Variants in GALNT17 observed in about 807,000 individuals in gnomAD.
The protein encoded by GALNT17 is polypeptide N-acetylgalactosaminyltransferase 17, also known as UDP-GalNAc:polypeptide N-acetylgalactosaminyltransferase-like 3.
In GALNT17, 29 loss-of-function variants were observed where a neutral mutation model predicts 63.7. That is an observed-to-expected ratio of 0.46 (90% CI 0.34 to 0.62). The LOEUF is 0.62. Ranked by LOEUF, GALNT17 falls within the 20% of genes least tolerant of loss-of-function variation. The pLI is 0.01. For missense variants in GALNT17, 603 were observed against 799.6 expected (o/e 0.75, Z 2.97); for synonymous variants, 305 against 318.3 (o/e 0.96, Z 0.45).
chr7:71,309,826 C>T (rs143606871), intron 1 of GALNT17, among the ~76,000 whole-genome samples: 73 of 152,254 alleles, frequency 4.8e-4, no homozygotes, highest in Middle Eastern at 3.4e-3. Context: ...ACTTGGACCT[C>T]TACTTTCTAC....
chr7:71,433,207 A>G (rs545184633), intron 5 of GALNT17, among the ~76,000 whole-genome samples: 1 of 152,316 alleles, frequency 6.6e-6, no homozygotes, highest in Non-Finnish European at 1.5e-5. Flanking sequence ...AACAGGAGGT[A>G]TGCTGTATAG....
intron 1 of GALNT17, among the ~76,000 whole-genome samples, chr7:71,136,165 T>G (rs1254623133): frequency 6.6e-6 from 1 of 152,184 alleles, no homozygotes; most frequent in Non-Finnish European, 1.5e-5. Context: ...GCCCTCCGCC[T>G]GCTGCAGTGG....
chr7:71,694,613 C>T (rs1791512777), intron 9 of GALNT17, among the ~76,000 whole-genome samples: 3 of 152,138 alleles, frequency 2.0e-5, no homozygotes, highest in Admixed American at 6.6e-5. Flanking sequence ...CCAGGCTGGT[C>T]TCAAACTTCT....
intron 9 of GALNT17, among the ~76,000 whole-genome samples, chr7:71,682,038 T>G (rs1387392962): frequency 6.6e-6 from 1 of 152,156 alleles, no homozygotes; most frequent in Non-Finnish European, 1.5e-5. Context: ...GCGATTCTCC[T>G]GCCTCAGCCT....
intron 9 of GALNT17, among the ~76,000 whole-genome samples, chr7:71,682,529 T>C (rs1433752939): frequency 6.6e-6 from 1 of 152,092 alleles, no homozygotes; most frequent in Admixed American, 6.6e-5. Context: ...GACAACATGG[T>C]CAGAACTTTT....
At chr7:71,195,430 G>A (rs77944241) in intron 1 of GALNT17, among the ~76,000 whole-genome samples, 8,597 of 150,898 alleles carry the variant, frequency 0.057, 336 homozygotes, top group Non-Finnish European at 0.087. Context: ...CACCTAGGTT[G>A]GAGTGCAGTG....
At chr7:71,324,863 T>C (rs1209872380) in intron 1 of GALNT17, among the ~76,000 whole-genome samples, 3 of 152,174 alleles carry the variant, frequency 2.0e-5, no homozygotes, top group African/African-American at 7.2e-5. Context: ...CTTATTATAG[T>C]GCTTTGTGTC....
chr7:71,623,445 T>G (rs970912176), intron 6 of GALNT17, among the ~76,000 whole-genome samples: 3 of 151,304 alleles, frequency 2.0e-5, no homozygotes, highest in Admixed American at 1.3e-4. Flanking sequence ...TGAGACAGAG[T>G]CTTACTCTGT....
chr7:71,358,545 T>G (rs568007652), intron 2 of GALNT17, among the ~76,000 whole-genome samples: 172 of 152,358 alleles, frequency 1.1e-3, no homozygotes, highest in African/African-American at 3.9e-3. Context: ...TCCCACTTTC[T>G]GGTTCCACAG....
intron 9 of GALNT17, among the ~76,000 whole-genome samples, chr7:71,686,142 A>T (rs1346843299): frequency 6.6e-6 from 1 of 151,656 alleles, no homozygotes; most frequent in Admixed American, 6.6e-5. Flanking sequence ...TTTAGTAGAG[A>T]TGGGGTTTCA....
At chr7:71,183,960 T>C (rs1046866566) in intron 1 of GALNT17, among the ~76,000 whole-genome samples, 1 of 152,036 alleles carries the variant, frequency 6.6e-6, no homozygotes, top group Non-Finnish European at 1.5e-5. Flanking sequence ...TACTGTGAGT[T>C]ACAGACCGAA....
chr7:71,345,146 T>TG (rs929550405), intron 2 of GALNT17, among the ~76,000 whole-genome samples: 7 of 116,582 alleles, frequency 6.0e-5, no homozygotes, highest in African/African-American at 2.8e-4. Flanking sequence ...TGTTGTTTTT[T>TG]GTTTTTTTTT....
intron 1 of GALNT17, among the ~76,000 whole-genome samples, chr7:71,256,128 A>G (rs940978472): frequency 6.6e-6 from 1 of 152,146 alleles, no homozygotes; most frequent in African/African-American, 2.4e-5. Context: ...TTCTATTGAT[A>G]ATAATTCTTT....
At chr7:71,504,447 G>C (rs1195379022) in intron 5 of GALNT17, among the ~76,000 whole-genome samples, 4 of 152,068 alleles carry the variant, frequency 2.6e-5, no homozygotes, top group Non-Finnish European at 5.9e-5. Context: ...ACAAACAGCA[G>C]ACAGTGAATT....
intron 2 of GALNT17, among the ~76,000 whole-genome samples, chr7:71,356,121 C>T (rs539972154): frequency 6.6e-6 from 1 of 152,020 alleles, no homozygotes; most frequent in Non-Finnish European, 1.5e-5. Flanking sequence ...GAATTACAGA[C>T]GCCCACCACC....
At chr7:71,578,131 G>C (rs1229970031) in intron 6 of GALNT17, among the ~76,000 whole-genome samples, 4 of 151,766 alleles carry the variant, frequency 2.6e-5, no homozygotes, top group Non-Finnish European at 5.9e-5. Flanking sequence ...CTGCCTCCTG[G>C]GTTCCAGCGA....
At chr7:71,662,862 C>T (rs752992610) in intron 6 of GALNT17, among the ~76,000 whole-genome samples, 1 of 152,108 alleles carries the variant, frequency 6.6e-6, no homozygotes, top group Non-Finnish European at 1.5e-5. Context: ...ATGTTTAGGT[C>T]GTTGATCCAT....
In GALNT17 at chr7:71,695,092, T is replaced by G. The variant is rs116009107; in HGVS notation, c.1501-15669T>G. On this transcript the variant is annotated intron_variant, in intron 9 of 10. Coordinates refer to ENST00000333538, the MANE Select transcript of GALNT17 (RefSeq NM_022479.3). ...CAAAGGTGTGCTTTGAAGATGTGCT[T>G]AGGAATATTCTCCTGATTCCCTAGA... Among the ~76,000 whole-genome samples, 1,501 of 152,322 alleles carry G rather than the reference T, an allele frequency of 9.9e-3. 30 individuals are homozygous for G. Among genetic ancestry groups the G allele is most frequent in the Admixed American group, 0.038 (585 of 15,292 alleles).
At chr7:71,184,951 C>CA (rs1562894730) in intron 1 of GALNT17, among the ~76,000 whole-genome samples, 1 of 83,576 alleles carries the variant, frequency 1.2e-5, no homozygotes, top group East Asian at 3.8e-4. Flanking sequence ...TTCCTTCCTT[C>CA]CTTCCTTCCT....
Sources: gnomAD v4.1 joint callset for allele counts (sites outside exome capture counted in the v4.1 genomes callset) on GRCh38, gnomAD v4.1.1 for gene constraint, MANE v1.5 for transcripts, NCBI Gene and HGNC (gene_info 2026-07-23, HGNC 2026-07-21) for gene names.